The following FRK variants were observed in gnomAD, a reference collection of about 807,000 sequenced individuals.
The protein encoded by FRK is fyn related Src family tyrosine kinase.
Under a neutral mutation model 56.4 loss-of-function variants are expected in FRK, and 51 were observed. That is an observed-to-expected ratio of 0.90 (90% confidence interval 0.72 to 1.14). The LOEUF (loss-of-function observed/expected upper bound fraction) is 1.14. Among genes scored for constraint, FRK ranks in the 50% most tolerant of loss-of-function variants. The pLI is 0.00. For synonymous variants in FRK, 245 were observed against 217.9 expected (o/e 1.12, Z -1.10); for missense variants, 570 against 601.4 (o/e 0.95, Z 0.55).
rs774249547 is a variant in FRK, at chr6:115,944,284, AT to A, written c.1099del (p.Ile367SerfsTer4). The A allele has an allele frequency of 2.5e-6, 4 of 1,612,702 alleles. No individual in the cohort carries two copies. In the South Asian group the frequency reaches 4.4e-5, roughly 18 times the overall value. ...AAGTCCAAAATCTGCTACTTTGTAGATATTATGTTCACCAACGAGGACATTT... is the reference window on the plus strand; with the variant it reads ...AAGTCCAAAATCTGCTACTTTGTAGAATTATGTTCACCAACGAGGACATTT... Reference protein sequence around the residue: ...ARNVLVGEHNIYKVADFGLAR... With the variant: ...ARNVLVGEHNXYKVADFGLAR... On this transcript the variant is annotated frameshift_variant, in exon 6 of 8. Transcript: ENST00000606080. LOFTEE classifies it high-confidence loss of function.
intron 5 of FRK, among the ~76,000 whole-genome samples, chr6:115,953,834 A>C (rs560150417): frequency 2.8e-4 from 42 of 152,360 alleles, no homozygotes; most frequent in Non-Finnish European, 5.7e-4. Context: ...ATACCTAATT[A>C]GCCCATACTT....
In FRK at chr6:116,060,064, C is replaced by T. The variant is rs1208584760; in HGVS notation, c.248G>A (p.Arg83Lys). Residue 83 changes from arginine to lysine, a missense_variant, in exon 1 of 8, where the codon AGA becomes AAA. Physicochemically the swap from Arg to Lys is conservative, Grantham distance 26. Transcript: ENST00000606080. ...DTLHEGWWFARHLEKRRDGSS... is the reference protein window; with the variant it reads ...DTLHEGWWFAKHLEKRRDGSS... The stretch of plus-strand genomic sequence containing the variant: ...GCCATCTCGTCTTTTCTCCAAGTGT[C>T]TGGCAAACCACCAGCCCTCATGCAA... 6.2e-7 allele frequency: 1 copy of T among 1,614,160 alleles called. No homozygotes were observed. Among genetic ancestry groups the T allele is most frequent in the South Asian group, 1.1e-5 (1 of 91,078 alleles).
intron 1 of FRK, among the ~76,000 whole-genome samples, chr6:116,006,283 C>T (rs1457877804): frequency 6.6e-6 from 1 of 152,118 alleles, no homozygotes; most frequent in African/African-American, 2.4e-5. Flanking sequence ...GACAGGAACA[C>T]GGCCTCTACA....
chr6:116,030,233 G>A (rs548476028), intron 1 of FRK, among the ~76,000 whole-genome samples: 1 of 152,186 alleles, frequency 6.6e-6, no homozygotes, highest in Admixed American at 6.6e-5. Context: ...CAGGGACAGA[G>A]GTAAGGGAGA....
chr6:115,991,067 A>G (rs758714516), intron 2 of FRK, among the ~76,000 whole-genome samples: 12 of 151,620 alleles, frequency 7.9e-5, no homozygotes, highest in Non-Finnish European at 1.5e-4. Flanking sequence ...ATTGGTTCTC[A>G]GGTTGACTGC....
Position 115,943,046 on chromosome 6 carries a change from A to G in FRK, c.1280T>C (p.Ile427Thr), listed in dbSNP as rs777464965. 7 of 1,612,544 alleles carry G rather than the reference A, an allele frequency of 4.3e-6. No individual in the cohort carries two copies. The Admixed American group carries it at 1.2e-4, about 27-fold the overall frequency. ...ACTGTAAGGCATTTTGCCATAAGTA[A>G]TGATTTCATAAAGAAGGATTCCAAA... ...WSFGILLYEI[I>T]TYGKMPYSGM... The change falls in exon 7 of 8, where the codon ATT becomes ACT. Residue 427 changes from isoleucine to threonine, a missense_variant. By Grantham distance (89) the Ile-to-Thr change is moderately conservative. Coordinates refer to ENST00000606080, the MANE Select transcript of FRK (RefSeq NM_002031.3).
At chr6:116,018,028 C>T (rs1404536723) in intron 1 of FRK, among the ~76,000 whole-genome samples, 3 of 152,186 alleles carry the variant, frequency 2.0e-5, no homozygotes, top group Non-Finnish European at 4.4e-5. Flanking sequence ...CCAGAAATTT[C>T]TGTTCATTGA....
chr6:116,077,481 C>T, the FRK span, among the ~76,000 whole-genome samples: 1 of 152,178 alleles, frequency 6.6e-6, no homozygotes, highest in African/African-American at 2.4e-5. Flanking sequence ...CCAACTCATT[C>T]AAATTTGTAA....
chr6:115,971,773 C>T (rs1320264320), intron 2 of FRK, among the ~76,000 whole-genome samples: 1 of 152,238 alleles, frequency 6.6e-6, no homozygotes, highest in East Asian at 1.9e-4. Context: ...TCTCCTTCCC[C>T]AGCTCGGTCT....
chr6:115,943,139 G>A lies in FRK; in HGVS notation c.1187C>T (p.Pro396Leu), dbSNP rs138957087. The A allele has an allele frequency of 3.7e-6, 6 of 1,612,420 alleles. No individual in the cohort carries two copies. Among genetic ancestry groups the A allele is most frequent in the African/African-American group, 2.7e-5 (2 of 74,870 alleles). ...IYESRHEIKL[P>L]VKWTAPEAIR... ...GGCTTCGGGCGCAGTCCACTTCACC[G>A]GCAGCTTTATTTCGTGTCTAGATTC... is the stretch of plus-strand genomic sequence containing the variant. The change falls in exon 7 of 8, where the codon CCG (proline) becomes CTG (leucine). Residue 396 changes from proline (P) to leucine (L), a missense_variant. Transcript: ENST00000606080.
At chr6:115,961,962 C>G (rs200933687) in intron 4 of FRK, among the ~76,000 whole-genome samples, 1,895 of 54,286 alleles carry the variant, frequency 0.035, 129 homozygotes, top group Admixed American at 0.14. Context: ...TAAAGACCAT[C>G]GAGACTAGGA....
chr6:116,010,285 A>G (rs1775415145), intron 1 of FRK, among the ~76,000 whole-genome samples: 1 of 152,178 alleles, frequency 6.6e-6, no homozygotes, highest in Non-Finnish European at 1.5e-5. Flanking sequence ...GAGAATATGA[A>G]AGTAATGACA....
In FRK at chr6:115,956,698, C is replaced by T. The variant is rs1266288814; in HGVS notation, c.800-88G>A. On this transcript the variant is annotated intron_variant, in intron 4 of 7. Transcript: ENST00000606080. ...CTGGTGGGAATCATCAAGATTGCCT[C>T]CTGCTTCTCAGTAGAGTAAGAGCCT... The T allele has an allele frequency of 2.8e-6, 3 of 1,079,422 alleles. No individual in the cohort carries two copies. In the African/African-American group the frequency reaches 4.8e-5, roughly 17 times the overall value. 66.9% of individuals were successfully genotyped at this position (1,079,422 alleles called of 1,614,324 possible).
At chr6:116,083,826 A>AT in the FRK span, among the ~76,000 whole-genome samples, 53,473 of 144,386 alleles carry the variant, frequency 0.37, 11,570 homozygotes, top group East Asian at 0.76. Flanking sequence ...TGCCCAGCTA[A>AT]TTTTTTTTTT....
At chr6:116,039,057 T>C in intron 1 of FRK, 1 of 759,916 alleles carries the variant, frequency 1.3e-6, no homozygotes, top group Non-Finnish European at 2.5e-6. Flanking sequence ...AGGCATGTCT[T>C]TGGGGAGTCA....
At chr6:116,081,324 A>G in the FRK span, among the ~76,000 whole-genome samples, 3 of 152,136 alleles carry the variant, frequency 2.0e-5, no homozygotes, top group Admixed American at 6.5e-5. Flanking sequence ...ACTATTTATG[A>G]TATACATTCT....
Position 116,060,029 on chromosome 6 carries a change from G to T in FRK, c.283C>A (p.Gln95Lys), listed in dbSNP as rs1243402531. ...LEKRRDGSSQ[Q>K]LQGYIPSNYV... ...TTAGAAGGAATATAGCCTTGTAGTT[G>T]CTGACTGGAGCCATCTCGTCTTTTC... is the stretch of plus-strand genomic sequence containing the variant. Residue 95 changes from glutamine (Q) to lysine (K), a missense_variant, in exon 1 of 8, where the codon CAA becomes AAA. Physicochemically the swap from Gln to Lys is moderately conservative, Grantham distance 53. Coordinates refer to ENST00000606080, the MANE Select transcript of FRK (RefSeq NM_002031.3). 1.2e-6 allele frequency: 2 copies of T among 1,614,154 alleles called. No individual in the cohort carries two copies. Among genetic ancestry groups the T allele is most frequent in the East Asian group, 2.2e-5 (1 of 44,880 alleles).
chr6:115,997,522 C>G (rs151332474), intron 2 of FRK, among the ~76,000 whole-genome samples: 1 of 152,120 alleles, frequency 6.6e-6, no homozygotes, highest in East Asian at 1.9e-4. Flanking sequence ...CCTTGGTTTC[C>G]TCCCATCTCT....
chr6:115,947,891 G>A (rs1018869227), intron 5 of FRK, among the ~76,000 whole-genome samples: 6 of 152,264 alleles, frequency 3.9e-5, no homozygotes, highest in East Asian at 1.9e-4. Flanking sequence ...GAAATGTATG[G>A]AAATTAAGAC....
Sources: gnomAD v4.1 joint callset for allele counts (sites outside exome capture counted in the v4.1 genomes callset) on GRCh38, gnomAD v4.1.1 for gene constraint, MANE v1.5 for transcripts, NCBI Gene and HGNC (gene_info 2026-07-23, HGNC 2026-07-21) for gene names.